PCDHGA1: variants seen among roughly 807,000 people sequenced by gnomAD.
The protein encoded by PCDHGA1 is protocadherin gamma subfamily A, 1.
A neutral mutation model predicts 58.0 loss-of-function variants in PCDHGA1; 32 were observed. That is an observed-to-expected ratio of 0.55 (90% CI 0.42 to 0.74). The LOEUF (loss-of-function observed/expected upper bound fraction) is 0.74. Ranked by LOEUF, PCDHGA1 falls within the 30% of genes least tolerant of loss-of-function variation. PCDHGA1 has a pLI of 0.00. For synonymous variants in PCDHGA1, 498 were observed against 501.1 expected (o/e 0.99, Z 0.08); for missense variants, 1,205 against 1,182.3 (o/e 1.02, Z -0.28).
At chr5:141,374,726 A>G (rs1471530567) in intron 1 of PCDHGA1, 2 of 1,610,526 alleles carry the variant, frequency 1.2e-6, no homozygotes, top group Non-Finnish European at 8.5e-7. Flanking sequence ...CCTTACTGCC[A>G]TGGATGGCGG....
intron 1 of PCDHGA1, chr5:141,424,652 G>T (rs1392693867): frequency 6.6e-6 from 1 of 152,120 alleles, no homozygotes; most frequent in East Asian, 1.9e-4. Context: ...AAGGTATTTG[G>T]ACTTTAATTA....
chr5:141,456,446 T>C (rs1053843910), intron 1 of PCDHGA1, among the ~76,000 whole-genome samples: 2 of 151,782 alleles, frequency 1.3e-5, no homozygotes, highest in Admixed American at 1.3e-4. Context: ...GTATACAGAG[T>C]CCAAATATCA....
Position 141,372,073 on chromosome 5 carries a change from C to G in PCDHGA1, c.2421+38968C>G, listed in dbSNP as rs774208540. ...GTGGACGACCGCAACGACAATGCACCGCTGGTGCTGTACCCAGCTCTGGGG... is the reference window on the plus strand; with the variant it reads ...GTGGACGACCGCAACGACAATGCACGGCTGGTGCTGTACCCAGCTCTGGGG... On this transcript the variant is annotated intron_variant, in intron 1 of 3. Transcript: ENST00000517417. 4 of 1,613,648 alleles carry G rather than the reference C, an allele frequency of 2.5e-6. No individual in the cohort carries two copies. The South Asian group carries it at 4.4e-5, about 18-fold the overall frequency.
At chr5:141,389,933 G>A (rs774443122) in intron 1 of PCDHGA1, 7 of 1,614,068 alleles carry the variant, frequency 4.3e-6, no homozygotes, top group Non-Finnish European at 5.9e-6. Context: ...CTGACCTCCA[G>A]GCTGAGCTGC....
intron 1 of PCDHGA1, chr5:141,339,623 G>A (rs779983817): frequency 1.2e-6 from 2 of 1,614,072 alleles, no homozygotes; most frequent in Admixed American, 3.3e-5. Flanking sequence ...TTCTGATGGG[G>A]GTGACCCAGT....
At chr5:141,365,830 C>T in intron 1 of PCDHGA1, 6 of 1,613,946 alleles carry the variant, frequency 3.7e-6, no homozygotes, top group Non-Finnish European at 5.1e-6. Flanking sequence ...AGGGGGCGCC[C>T]TTGTCCTCCT....
intron 1 of PCDHGA1, chr5:141,362,695 T>A: frequency 1.8e-6 from 2 of 1,090,718 alleles, no homozygotes; most frequent in Non-Finnish European, 2.6e-6. Flanking sequence ...CTTATCTAAC[T>A]GAATTTTAAG....
intron 1 of PCDHGA1, chr5:141,355,008 C>T (rs959780132): frequency 5.0e-6 from 4 of 807,362 alleles, no homozygotes; most frequent in Admixed American, 3.6e-5. Context: ...AAAGACAAAC[C>T]AGAAATTTAA....
chr5:141,361,403 C>T (rs376882541), intron 1 of PCDHGA1: 1 of 1,614,050 alleles, frequency 6.2e-7, no homozygotes, highest in Non-Finnish European at 8.5e-7. Context: ...CTCACCATCA[C>T]AGCCACCGAC....
intron 1 of PCDHGA1, chr5:141,362,613 T>G: frequency 6.4e-7 from 1 of 1,552,174 alleles, no homozygotes; most frequent in East Asian, 2.3e-5. Context: ...CTAATTTGGG[T>G]AGGAAGTTCC....
intron 1 of PCDHGA1, among the ~76,000 whole-genome samples, chr5:141,352,913 G>A (rs1445194604): frequency 2.6e-5 from 4 of 152,172 alleles, no homozygotes; most frequent in African/African-American, 7.2e-5. Context: ...GCTTGAGCCC[G>A]GGAGGTGGAG....
rs151297289 is a variant in PCDHGA1, at chr5:141,381,401, A to G, written c.2421+48296A>G. Among the ~76,000 whole-genome samples the G allele has an allele frequency of 6.6e-4, 101 of 152,344 alleles. 2 individuals are homozygous for G. The highest frequency in any genetic ancestry group is 2.3e-3 in the African/African-American group (97 of 41,586). On this transcript the variant is annotated intron_variant, in intron 1 of 3. Transcript: ENST00000517417. ...TCAATAATTTAGTTTTACTCTATCA[A>G]CATCAGTGGAGAGACGAGTACCTCT...
Position 141,491,687 on chromosome 5 carries a change from G to A in PCDHGA1, c.2422-3120G>A. On this transcript the variant is annotated intron_variant, in intron 1 of 3. Transcript: ENST00000517417. This position sits in a 1 kb window ranked among gnomAD's most constrained non-coding sequence, Gnocchi z 6.9. Reference sequence around the variant, plus strand: ...ATCCGGTCCCGCTCTAATACGCTGCGGGAGCGGAGCCAGGTGAGGGGCTCG... The same window carrying A: ...ATCCGGTCCCGCTCTAATACGCTGCAGGAGCGGAGCCAGGTGAGGGGCTCG... The A allele has an allele frequency of 6.2e-7, 1 of 1,613,072 alleles. No homozygotes were observed. The highest frequency in any genetic ancestry group is 8.5e-7 in the Non-Finnish European group (1 of 1,179,608).
At chr5:141,393,314 C>T (rs2150518180) in intron 1 of PCDHGA1, 1 of 1,613,076 alleles carries the variant, frequency 6.2e-7, no homozygotes, top group Non-Finnish European at 8.5e-7. Flanking sequence ...TGAACTCCCT[C>T]CAGAGCTACC....
At chr5:141,408,834 T>G in intron 1 of PCDHGA1, 1 of 1,613,696 alleles carries the variant, frequency 6.2e-7, no homozygotes, top group Non-Finnish European at 8.5e-7. Context: ...CATAGCTTGA[T>G]ATTGACTGCC....
intron 1 of PCDHGA1, among the ~76,000 whole-genome samples, chr5:141,488,434 C>T (rs1231743982): frequency 2.6e-5 from 4 of 152,166 alleles, no homozygotes; most frequent in African/African-American, 7.2e-5. Flanking sequence ...TGGCCTCTGA[C>T]CACCCTCCTG....
At chr5:141,428,100 G>A (rs1313410784) in intron 1 of PCDHGA1, 6 of 1,608,582 alleles carry the variant, frequency 3.7e-6, no homozygotes, top group East Asian at 2.2e-5. Context: ...GTCCTACCAC[G>A]TGCTGCAGGC....
chr5:141,398,367 G>A, intron 1 of PCDHGA1: 1 of 1,430,476 alleles, frequency 7.0e-7, no homozygotes, highest in Non-Finnish European at 9.7e-7. Context: ...TGAGCGCAGA[G>A]AGCGGGGAGT....
intron 1 of PCDHGA1, among the ~76,000 whole-genome samples, chr5:141,407,232 A>G (rs2094902362): frequency 6.6e-6 from 1 of 152,242 alleles, no homozygotes; most frequent in African/African-American, 2.4e-5. Flanking sequence ...CAAAAAAAAT[A>G]AAGCATACTT....
Sources: allele counts gnomAD v4.1 joint callset (sites outside exome capture counted in the v4.1 genomes callset), GRCh38; gene constraint gnomAD v4.1.1; non-coding constraint Gnocchi (gnomAD v3.1); transcripts MANE v1.5; gene names NCBI Gene and HGNC (gene_info 2026-07-23, HGNC 2026-07-21).